DOK6: variants seen among roughly 807,000 people sequenced by gnomAD.
The protein encoded by DOK6 is docking protein 6, also known as downstream of tyrosine kinase 6.
DOK6 carries 22 observed loss-of-function variants against 44.0 expected under a neutral mutation model. The observed-to-expected ratio is 0.50, with a 90% CI of 0.36 to 0.71. The LOEUF is 0.71. DOK6 is among the 30% of genes least tolerant of loss of function. The probability of loss-of-function intolerance (pLI) is 0.00; values close to 1 mark genes in which losing one functional copy is unlikely to be tolerated. For missense variants in DOK6, 340 were observed against 416.4 expected (o/e 0.82, Z 1.60); for synonymous variants, 166 against 145.5 (o/e 1.14, Z -1.01).
intron 3 of DOK6, among the ~76,000 whole-genome samples, chr18:69,609,194 G>A (rs965349406): frequency 3.3e-5 from 5 of 152,090 alleles, no homozygotes; most frequent in Non-Finnish European, 7.4e-5. Context: ...AGTGAAGAAA[G>A]ACATCAACAG....
rs190929212 is a variant in DOK6, at chr18:69,682,849, C to T, written c.409+4996C>T. 2.2e-4 allele frequency among the ~76,000 whole-genome samples: 34 copies of T among 152,304 alleles called. 1 individual carries two copies. Among genetic ancestry groups the T allele is most frequent in the African/African-American group, 7.2e-4 (30 of 41,560 alleles). The stretch of plus-strand genomic sequence containing the variant: ...TCTAATCAAAGTAGCTTACACTTTC[C>T]TTTTTATAATTATTTCTTATTCCTC... On this transcript the variant is annotated intron_variant, in intron 4 of 7. Transcript: ENST00000382713.
At chr18:69,677,905 A>G in intron 4 of DOK6, 52 bp downstream of exon 4, 1 of 1,573,690 alleles carries the variant, frequency 6.4e-7, no homozygotes, top group South Asian at 1.1e-5. Context: ...TAATTGTAGA[A>G]CTTTGAAACT....
At chr18:69,506,708 C>A (rs1981196323) in intron 1 of DOK6, among the ~76,000 whole-genome samples, 1 of 152,032 alleles carries the variant, frequency 6.6e-6, no homozygotes, top group South Asian at 2.1e-4. Flanking sequence ...ATTTCACATA[C>A]ATACATAAAT....
chr18:69,600,667 T>C (rs1983850436), intron 3 of DOK6, among the ~76,000 whole-genome samples: 1 of 152,144 alleles, frequency 6.6e-6, no homozygotes, highest in African/African-American at 2.4e-5. Flanking sequence ...ATATTAAAAC[T>C]AGTATTTAAA....
At chr18:69,598,563 G>A (rs1983800198) in intron 2 of DOK6, among the ~76,000 whole-genome samples, 1 of 151,924 alleles carries the variant, frequency 6.6e-6, no homozygotes, top group African/African-American at 2.4e-5. Context: ...TAAATTAGAA[G>A]AAAAAATTCG....
intron 7 of DOK6, among the ~76,000 whole-genome samples, chr18:69,771,974 A>G (rs1979898287): frequency 6.6e-6 from 1 of 151,440 alleles, no homozygotes; most frequent in Non-Finnish European, 1.5e-5. Context: ...CACTGAAAAC[A>G]TAGAACATTC....
chr18:69,416,813 T>C (rs1978353277), intron 1 of DOK6, among the ~76,000 whole-genome samples: 2 of 152,204 alleles, frequency 1.3e-5, no homozygotes. Flanking sequence ...TGTGATCACT[T>C]TGGAGTTGTG....
intron 1 of DOK6, among the ~76,000 whole-genome samples, chr18:69,525,462 T>C (rs17081147): frequency 0.19 from 29,225 of 151,962 alleles, 3,082 homozygotes; most frequent in South Asian, 0.37. Flanking sequence ...GTAATTGTTA[T>C]AGAGAAATGA....
chr18:69,537,899 T>C (rs911404212), intron 1 of DOK6, among the ~76,000 whole-genome samples: 6 of 152,200 alleles, frequency 3.9e-5, no homozygotes, highest in Admixed American at 3.9e-4. Flanking sequence ...AAATATGGTT[T>C]CCAGTAAAAA....
At chr18:69,507,906 G>C (rs76621583) in intron 1 of DOK6, among the ~76,000 whole-genome samples, 16,085 of 151,972 alleles carry the variant, frequency 0.11, 1,035 homozygotes, top group Non-Finnish European at 0.13. Flanking sequence ...GGATGATGTT[G>C]AAGAGGAGAG....
chr18:69,459,879 G>C (rs1217570307), intron 1 of DOK6, among the ~76,000 whole-genome samples: 1 of 152,088 alleles, frequency 6.6e-6, no homozygotes, highest in Non-Finnish European at 1.5e-5. Context: ...TATATGTGTG[G>C]GTAAAAGTTG....
At chr18:69,567,225 A>G (rs577359335) in intron 2 of DOK6, among the ~76,000 whole-genome samples, 1 of 152,308 alleles carries the variant, frequency 6.6e-6, no homozygotes, top group Non-Finnish European at 1.5e-5. Context: ...CACTGGGGAT[A>G]CAGTATTAGA....
intron 7 of DOK6, among the ~76,000 whole-genome samples, chr18:69,804,639 C>G (rs75467467): frequency 0.022 from 3,417 of 152,246 alleles, 51 homozygotes; most frequent in South Asian, 0.049. Flanking sequence ...TGGATGAACA[C>G]ATTAACACAT....
chr18:69,666,521 T>G (rs1193238203), intron 3 of DOK6, among the ~76,000 whole-genome samples: 1 of 152,172 alleles, frequency 6.6e-6, no homozygotes, highest in Non-Finnish European at 1.5e-5. Context: ...CCAACCAATT[T>G]TTTTTTTCTC....
chr18:69,798,577 A>G (rs1231829087), intron 7 of DOK6, among the ~76,000 whole-genome samples: 9 of 151,972 alleles, frequency 5.9e-5, no homozygotes, highest in Admixed American at 5.9e-4. Context: ...TGTGCATTAG[A>G]TCATGTTTTC....
At chr18:69,672,615 G>C (rs10451412) in intron 3 of DOK6, among the ~76,000 whole-genome samples, 125,111 of 150,798 alleles carry the variant, frequency 0.83, 52,074 homozygotes, top group East Asian at 0.98. Flanking sequence ...ACCTCAGCCT[G>C]CCAAAGTGCT....
intron 7 of DOK6, among the ~76,000 whole-genome samples, chr18:69,799,511 G>A (rs1325647239): frequency 3.9e-5 from 6 of 151,950 alleles, no homozygotes; most frequent in African/African-American, 4.8e-5. Flanking sequence ...CATTAACTCC[G>A]TGTAAAAAGA....
At chr18:69,704,256 G>T (rs1176743679) in intron 5 of DOK6, among the ~76,000 whole-genome samples, 2 of 152,124 alleles carry the variant, frequency 1.3e-5, no homozygotes, top group Admixed American at 6.6e-5. Context: ...TCTGCGAGGG[G>T]ACAAGTAGGG....
intron 6 of DOK6, among the ~76,000 whole-genome samples, chr18:69,740,206 C>T (rs1470072590): frequency 1.3e-5 from 2 of 152,118 alleles, no homozygotes; most frequent in Non-Finnish European, 2.9e-5. Flanking sequence ...GTGGGGTTGA[C>T]TGAAGAATCA....
Sources: allele counts gnomAD v4.1 joint callset (sites outside exome capture counted in the v4.1 genomes callset), GRCh38; gene constraint gnomAD v4.1.1; transcripts MANE v1.5; gene names NCBI Gene and HGNC (gene_info 2026-07-23, HGNC 2026-07-21).